The following MUC4 variants were observed in gnomAD, a reference collection of about 807,000 sequenced individuals.
MUC4 encodes mucin-4.
A neutral mutation model predicts 257.9 loss-of-function variants in MUC4; 202 were observed. That is an observed-to-expected ratio of 0.78 (90% CI 0.70 to 0.88). MUC4 has a LOEUF of 0.88. MUC4 is among the 40% of genes least tolerant of loss of function. MUC4 has a pLI of 0.00. For synonymous variants in MUC4, 2,351 were observed against 2,757.1 expected, an observed-to-expected ratio of 0.85 and a Z score of 4.62; for missense variants, 5,976 against 6,513.7, an observed-to-expected ratio of 0.92 and a Z score of 2.84.
At chr3:195,748,105 G>A (rs1348282396) in intron 24 of MUC4, among the ~76,000 whole-genome samples, 1 of 152,280 alleles carries the variant, frequency 6.6e-6, no homozygotes, top group Non-Finnish European at 1.5e-5. Flanking sequence ...GCGTGGGGCC[G>A]CGGCTTCCTG....
chr3:195,811,349 T>C lies in MUC4; in HGVS notation c.82+387A>G, dbSNP rs937188730. Among the ~76,000 whole-genome samples, 7 of 151,898 alleles carry C rather than the reference T, an allele frequency of 4.6e-5. No individual in the cohort carries two copies. In the East Asian group the frequency reaches 9.7e-4, roughly 21 times the overall value. Reference sequence around the variant, plus strand: ...CCACCACGACCGGCTAATTTTTGTATATTTAGTAGAGACGGGGTTTCACCA... The same window carrying C: ...CCACCACGACCGGCTAATTTTTGTACATTTAGTAGAGACGGGGTTTCACCA... On this transcript the variant is annotated intron_variant, in intron 1 of 24. Coordinates refer to ENST00000463781, the MANE Select transcript of MUC4 (RefSeq NM_018406.7).
intron 1 of MUC4, among the ~76,000 whole-genome samples, chr3:195,804,330 C>T (rs1016039442): frequency 3.3e-5 from 5 of 152,220 alleles, no homozygotes; most frequent in African/African-American, 7.2e-5. Context: ...CAGTAGGCAT[C>T]GTTTTCCCCA....
intron 7 of MUC4, among the ~76,000 whole-genome samples, chr3:195,768,789 G>A (rs1386307348): frequency 6.6e-6 from 1 of 152,244 alleles, no homozygotes; most frequent in Non-Finnish European, 1.5e-5. Context: ...CTCTGGGAAT[G>A]ATTACAACTC....
chr3:195,792,683 T>G (rs948339077), intron 1 of MUC4, among the ~76,000 whole-genome samples: 1 of 152,230 alleles, frequency 6.6e-6, no homozygotes, highest in Non-Finnish European at 1.5e-5. Context: ...CATGCACACG[T>G]ATGTTTACTG....
chr3:195,748,429 T>A (rs1268191162), intron 24 of MUC4, among the ~76,000 whole-genome samples: 2 of 152,240 alleles, frequency 1.3e-5, no homozygotes, highest in Non-Finnish European at 2.9e-5. Context: ...CTGGGCGTGG[T>A]GGTGCATGCC....
chr3:195,772,841 G>GGT (rs1723344723), intron 4 of MUC4, among the ~76,000 whole-genome samples: 1 of 114,778 alleles, frequency 8.7e-6, no homozygotes, highest in Admixed American at 8.8e-5. Flanking sequence ...ATCGCTCAGG[G>GGT]GTATAGACAC....
chr3:195,772,969 G>A (rs1723403792), intron 4 of MUC4, among the ~76,000 whole-genome samples: 1 of 144,508 alleles, frequency 6.9e-6, no homozygotes, highest in Non-Finnish European at 1.5e-5. Context: ...CCATCGCTCA[G>A]GGGTGTAGAC....
In MUC4 at chr3:195,778,880, A is replaced by T. The variant is rs1394850090; in HGVS notation, c.12700T>A (p.Ser4234Thr). Reference sequence around the variant, plus strand: ...GCAAGAGGGGTGGCGTGACCTGTGGATACTGAGGAAAGGCTGGTGACAGGA... The same window carrying T: ...GCAAGAGGGGTGGCGTGACCTGTGGTTACTGAGGAAAGGCTGGTGACAGGA... Reference protein sequence around the residue: ...PLPVTSLSSVSTGHATPLAVS... With the variant: ...PLPVTSLSSVTTGHATPLAVS... Residue 4234 changes from serine (S) to threonine (T), a missense_variant, in exon 2 of 25, where the codon TCC (serine) becomes ACC (threonine). Around this residue, in one of 44 missense-constraint regions of MUC4, gnomAD observed 233 missense variants for 171.2 expected, o/e 1.36. Coordinates refer to ENST00000463781, the MANE Select transcript of MUC4 (RefSeq NM_018406.7). 5 of 1,605,648 alleles carry T rather than the reference A, an allele frequency of 3.1e-6. No homozygotes were observed. Among genetic ancestry groups the T allele is most frequent in the Non-Finnish European group, 3.4e-6 (4 of 1,176,272 alleles).
chr3:195,792,281 C>T (rs1241859076), intron 1 of MUC4, among the ~76,000 whole-genome samples: 3 of 151,904 alleles, frequency 2.0e-5, no homozygotes, highest in African/African-American at 7.3e-5. Flanking sequence ...CTTAAATTTA[C>T]AAGAAAAAAA....
rs200366897 is a variant in MUC4, at chr3:195,783,191, G to A, written c.8389C>T (p.His2797Tyr). ...VTSPSSASTG[H>Y]TTPLPVTDAS... Reference sequence around the variant, plus strand: ...TCGGTGACAGGAAGAGGGGTGGTGTGACCTGTGGATGCTGAGGAAGGGCTG... The same window carrying A: ...TCGGTGACAGGAAGAGGGGTGGTGTAACCTGTGGATGCTGAGGAAGGGCTG... The change falls in exon 2 of 25, where the codon CAC becomes TAC. Residue 2797 changes from histidine (H) to tyrosine (Y), a missense_variant. By Grantham distance (83) the His-to-Tyr change is moderately conservative. Around this residue, in one of 44 missense-constraint regions of MUC4, gnomAD observed 228 missense variants for 206.3 expected, o/e 1.11. Transcript: ENST00000463781. 1.6e-6 allele frequency: 2 copies of A among 1,275,172 alleles called. No homozygotes were observed. Among genetic ancestry groups the A allele is most frequent in the Admixed American group, 2.4e-5 (1 of 42,320 alleles). 79.0% of individuals were successfully genotyped at this position (1,275,172 alleles called of 1,614,324 possible).
intron 12 of MUC4, among the ~76,000 whole-genome samples, chr3:195,763,194 T>C (rs928993563): frequency 2.6e-5 from 4 of 152,206 alleles, no homozygotes; most frequent in African/African-American, 9.7e-5. Context: ...CCATTCTTAC[T>C]AGGAGAAAAC....
intron 1 of MUC4, among the ~76,000 whole-genome samples, chr3:195,808,633 T>A (rs996234293): frequency 6.6e-6 from 1 of 152,216 alleles, no homozygotes; most frequent in African/African-American, 2.4e-5. Flanking sequence ...CCAAAAGGCG[T>A]TGCCTGTGTT....
intron 7 of MUC4, among the ~76,000 whole-genome samples, chr3:195,767,486 CCACCATCACCATCACCACCACCAT>C (rs1720882470): frequency 8.2e-6 from 1 of 121,700 alleles, no homozygotes; most frequent in African/African-American, 2.8e-5. Flanking sequence ...ACCATCACCA[CCACCATCACCATCACCACCACCAT>C]CACCATCACC....
intron 1 of MUC4, among the ~76,000 whole-genome samples, chr3:195,802,124 G>A (rs1735401721): frequency 6.6e-6 from 1 of 152,316 alleles, no homozygotes; most frequent in East Asian, 1.9e-4. Flanking sequence ...CAATGCAACA[G>A]GTCCAGGTCA....
At position 195,788,875 on chromosome 3, in the gene MUC4, G is replaced by T; in HGVS notation, c.2705C>A (p.Ala902Asp). 1 of 1,613,852 alleles carries T rather than the reference G, an allele frequency of 6.2e-7. No individual in the cohort carries two copies. Among genetic ancestry groups the T allele is most frequent in the South Asian group, 1.1e-5 (1 of 91,060 alleles). The change falls in exon 2 of 25, where the codon GCC becomes GAC. Residue 902 changes from alanine (A) to aspartate (D), a missense_variant. Around this residue, in one of 44 missense-constraint regions of MUC4, gnomAD observed 1,583 missense variants for 1,257.4 expected, o/e 1.26. Coordinates refer to ENST00000463781, the MANE Select transcript of MUC4 (RefSeq NM_018406.7). The part of the protein sequence containing the change: ...TSPSASPQET[A>D]AISRMAQTQR... Reference sequence around the variant, plus strand: ...AGTCTGGGCCATCCGGGAAATGGCGGCTGTCTCCTGAGGAGAGGCACTGGG... The same window carrying T: ...AGTCTGGGCCATCCGGGAAATGGCGTCTGTCTCCTGAGGAGAGGCACTGGG...
Position 195,788,405 on chromosome 3 carries a change from C to A in MUC4, c.3175G>T (p.Val1059Phe), listed in dbSNP as rs1296034545. Residue 1059 changes from valine (V) to phenylalanine (F), a missense_variant, in exon 2 of 25, where the codon GTC (valine) becomes TTC (phenylalanine). Val to Phe is a conservative substitution (Grantham distance 50). Around this residue, in one of 44 missense-constraint regions of MUC4, gnomAD observed 68 missense variants for 90.4 expected, o/e 0.75. Coordinates refer to ENST00000463781, the MANE Select transcript of MUC4 (RefSeq NM_018406.7). ...GTGGATGCTGAGGAAGTGTCAGTGA[C>A]AGGAAGAGGGGTGCTGTCACCTGTG... ...ASTGDSTPLP[V>F]TDTSSASTGH... is the part of the protein sequence containing the mutation. 1.3e-6 allele frequency: 2 copies of A among 1,483,032 alleles called. No homozygotes were observed. The highest frequency in any genetic ancestry group is 2.5e-5 in the South Asian group (2 of 80,690). The allele number at this position is 1,483,032 out of a possible 1,614,324, so 91.9% of individuals were successfully genotyped here.
intron 1 of MUC4, among the ~76,000 whole-genome samples, chr3:195,806,106 ACT>A (rs528332999): frequency 8.5e-5 from 13 of 152,156 alleles, no homozygotes; most frequent in Non-Finnish European, 1.9e-4. Context: ...ACACAGTGAG[ACT>A]CTGTCTCAAA....
rs1203231066 is a variant in MUC4, at chr3:195,779,068, G to C, written c.12512C>G (p.Thr4171Arg). The change falls in exon 2 of 25, where the codon ACA becomes AGA. Residue 4171 changes from threonine (T) to arginine (R), a missense_variant. Thr to Arg is a moderately conservative substitution (Grantham distance 71). Around this residue, in one of 44 missense-constraint regions of MUC4, gnomAD observed 293 missense variants for 294.5 expected, o/e 1.00. Transcript: ENST00000463781. ...GACAGGAAGAGGGGTGCCGTGACCT[G>C]TGGACACTGAGGAAGCGTCGGTGAC... ...LPVTDASSVS[T>R]GHGTPLPVTS... 2 of 1,243,978 alleles carry C rather than the reference G, an allele frequency of 1.6e-6. 1 individual carries two copies. The highest frequency in any genetic ancestry group is 2.1e-6 in the Non-Finnish European group (2 of 937,684). 77.1% of individuals were successfully genotyped at this position (1,243,978 alleles called of 1,614,324 possible).
intron 1 of MUC4, among the ~76,000 whole-genome samples, chr3:195,807,421 C>T (rs945378515): frequency 6.6e-6 from 1 of 151,992 alleles, no homozygotes; most frequent in Non-Finnish European, 1.5e-5. Flanking sequence ...TGAGCTGAGA[C>T]CACGCCACTG....
Sources: allele counts gnomAD v4.1 joint callset (sites outside exome capture counted in the v4.1 genomes callset), GRCh38; gene constraint gnomAD v4.1.1; regional missense constraint gnomAD v4.1.1; transcripts MANE v1.5; gene names NCBI Gene and HGNC (gene_info 2026-07-23, HGNC 2026-07-21).